The following BCAS2 variants were observed in gnomAD, a reference collection of about 807,000 sequenced individuals.
BCAS2 encodes the protein pre-mRNA-splicing factor SPF27.
In BCAS2, 34 loss-of-function variants were observed where a neutral mutation model predicts 35.3. The observed-to-expected ratio is 0.96, with a 90% CI of 0.73 to 1.28. The LOEUF is 1.28. Ranked by LOEUF, BCAS2 falls within the 50% of genes most tolerant of loss-of-function variation. The pLI is 0.00. For synonymous variants in BCAS2, 75 were observed against 91.6 expected, an observed-to-expected ratio of 0.82 and a Z score of 1.03; for missense variants, 221 against 268.1, an observed-to-expected ratio of 0.82 and a Z score of 1.23.
intron 2 of BCAS2, among the ~76,000 whole-genome samples, chr1:114,579,571 T>G (rs1449579970): frequency 1.3e-5 from 2 of 152,110 alleles, no homozygotes; most frequent in African/African-American, 4.8e-5. Context: ...GTCTTCTACT[T>G]AAAACTCAGC....
chr1:114,581,289 A>G lies in BCAS2; in HGVS notation c.186+10T>C. On this transcript the variant is annotated intron_variant, in intron 2 of 6. Transcript: ENST00000369541. ...ATTCTCGTTCACACCTAGGCTCAAGACATACTTACTTCAAAGGCAGAATAA... is the reference window on the plus strand; with the variant it reads ...ATTCTCGTTCACACCTAGGCTCAAGGCATACTTACTTCAAAGGCAGAATAA... The G allele has an allele frequency of 6.2e-7, 1 of 1,613,690 alleles. No homozygotes were observed. Among genetic ancestry groups the G allele is most frequent in the Non-Finnish European group, 8.5e-7 (1 of 1,179,590 alleles).
intron 2 of BCAS2, among the ~76,000 whole-genome samples, chr1:114,578,760 T>C (rs902194437): frequency 9.2e-4 from 140 of 152,188 alleles, no homozygotes; most frequent in African/African-American, 3.3e-3. Context: ...TGTTCTCCAA[T>C]ACCCAGAATG....
chr1:114,570,145 CAA>C (rs1654609799), intron 5 of BCAS2, 73 bp from the exon 6 acceptor site: 2 of 1,017,746 alleles, frequency 2.0e-6, no homozygotes, highest in African/African-American at 1.6e-5. Flanking sequence ...CTCTATAACA[CAA>C]GAGAATATCT....
intron 4 of BCAS2, among the ~76,000 whole-genome samples, chr1:114,571,713 T>C (rs1570736388): frequency 9.9e-5 from 15 of 152,176 alleles, no homozygotes. Context: ...TATATCTGAG[T>C]ACCCACTTAT....
In BCAS2 at chr1:114,568,261, A is replaced by T. The variant is rs1167965133; in HGVS notation, c.552-5T>A. The stretch of plus-strand genomic sequence containing the variant: ...TTACTGACCAGGGATACCCAACTAG[A>T]ATGGGGGGGAAGAAAAGAAAAAAAT... On this transcript the variant is annotated splice_region_variant and splice_polypyrimidine_tract_variant and intron_variant, in intron 6 of 6. Transcript: ENST00000369541. The T allele has an allele frequency of 6.8e-6, 11 of 1,608,714 alleles. No homozygotes were observed. Among genetic ancestry groups the T allele is most frequent in the Non-Finnish European group, 8.5e-6 (10 of 1,178,578 alleles).
chr1:114,567,930 TA>T lies in BCAS2; in HGVS notation c.*199del. ...GCCTAAAGATTTTCTTTTATGGCTA[TA>T]AAAATACCACCAAGCTAGACATTTT... On this transcript the variant is annotated 3_prime_UTR_variant, in exon 7 of 7. Transcript: ENST00000369541. 1 of 617,840 alleles carries T rather than the reference TA, an allele frequency of 1.6e-6. No individual in the cohort carries two copies. The highest frequency in any genetic ancestry group is 2.6e-6 in the Non-Finnish European group (1 of 385,998). 38.3% of individuals were successfully genotyped at this position (617,840 alleles called of 1,614,324 possible). A position where few individuals can be genotyped will look rare whatever the true frequency, so the allele number is the denominator to read the frequency against.
At chr1:114,573,453 A>T (rs958566095) in intron 4 of BCAS2, among the ~76,000 whole-genome samples, 6 of 151,994 alleles carry the variant, frequency 3.9e-5, no homozygotes, top group Non-Finnish European at 1.5e-5. Context: ...GGCTGGTCTC[A>T]AACTCTTGGC....
chr1:114,578,648 A>G (rs868628706), intron 2 of BCAS2, among the ~76,000 whole-genome samples: 2 of 152,284 alleles, frequency 1.3e-5, no homozygotes, highest in South Asian at 2.1e-4. Flanking sequence ...CTTTATCACT[A>G]TCATTCTCTG....
chr1:114,572,346 C>T (rs1333952376), intron 4 of BCAS2, among the ~76,000 whole-genome samples: 1 of 152,194 alleles, frequency 6.6e-6, no homozygotes, highest in African/African-American at 2.4e-5. Flanking sequence ...TGCTCTATTC[C>T]AGACTTCTGA....
chr1:114,570,322 T>A (rs1312779442), intron 5 of BCAS2, among the ~76,000 whole-genome samples: 1 of 152,046 alleles, frequency 6.6e-6, no homozygotes. Context: ...AAGTCCCCCC[T>A]CTCATGCATG....
intron 2 of BCAS2, among the ~76,000 whole-genome samples, chr1:114,579,718 T>C (rs1654842955): frequency 1.3e-5 from 2 of 151,794 alleles, no homozygotes; most frequent in Admixed American, 6.6e-5. Flanking sequence ...ATACAAAAAT[T>C]ACCCAGGCAT....
At position 114,568,753 on chromosome 1, in the gene BCAS2, TTC is replaced by T. The variant is rs1313459111; in HGVS notation, c.552-499_552-498del. Among the ~76,000 whole-genome samples the T allele has an allele frequency of 7.1e-4, 95 of 134,462 alleles. 1 individual carries two copies. Among genetic ancestry groups the T allele is most frequent in the Admixed American group, 7.5e-4 (10 of 13,338 alleles). 88.2% of individuals were successfully genotyped at this position (134,462 alleles called of 152,430 possible). ...AAAGGGTACATGGAATCTCTCTGTA[TTC>T]TTTTTTTTTTTTTTTTTTTTTTTTC... On this transcript the variant is annotated intron_variant, in intron 6 of 6. Transcript: ENST00000369541.
rs1654890308 is a variant in BCAS2, at chr1:114,581,505, C to A, written c.87G>T (p.Arg29=). The part of the protein sequence containing the change: ...FDQGYEAPGV[R]EAAAALVEEE... Reference sequence around the variant, plus strand: ...AAAGACACCCCGCACTCACCGCTTCCCGCACACCAGGGGCTTCATAACCTT... The same window carrying A: ...AAAGACACCCCGCACTCACCGCTTCACGCACACCAGGGGCTTCATAACCTT... The change falls in exon 1 of 7, where the codon CGG becomes CGT. Residue 29 remains arginine (R), a synonymous_variant. Coordinates refer to ENST00000369541, the MANE Select transcript of BCAS2 (RefSeq NM_005872.3). 6.2e-7 allele frequency: 1 copy of A among 1,614,208 alleles called. No homozygotes were observed. Among genetic ancestry groups the A allele is most frequent in the African/African-American group, 1.3e-5 (1 of 75,050 alleles).
At position 114,581,279 on chromosome 1, in the gene BCAS2, T is replaced by C. The variant is rs750979693; in HGVS notation, c.186+20A>G. ...GTTCACAGGAATTCTCGTTCACACC[T>C]AGGCTCAAGACATACTTACTTCAAA... is the stretch of plus-strand genomic sequence containing the variant. On this transcript the variant is annotated intron_variant, in intron 2 of 6. Transcript: ENST00000369541. 2 of 1,612,412 alleles carry C rather than the reference T, an allele frequency of 1.2e-6. No individual in the cohort carries two copies. Among genetic ancestry groups the C allele is most frequent in the East Asian group, 2.2e-5 (1 of 44,872 alleles).
At chr1:114,577,369 A>ATT (rs1313206833) in intron 2 of BCAS2, among the ~76,000 whole-genome samples, 2 of 141,908 alleles carry the variant, frequency 1.4e-5, no homozygotes, top group African/African-American at 2.6e-5. Flanking sequence ...TAATTTATTT[A>ATT]TTTATTTATT....
intron 4 of BCAS2, among the ~76,000 whole-genome samples, chr1:114,573,721 A>C (rs1387814088): frequency 6.6e-6 from 1 of 152,080 alleles, no homozygotes; most frequent in African/African-American, 2.4e-5. Context: ...TACATTTCTT[A>C]ATCACCCTAA....
intron 2 of BCAS2, among the ~76,000 whole-genome samples, chr1:114,577,249 A>C (rs1011665020): frequency 1.3e-5 from 2 of 152,180 alleles, no homozygotes; most frequent in Non-Finnish European, 2.9e-5. Flanking sequence ...CTTGCCATGT[A>C]ATGCCCTGTG....
chr1:114,576,631 C>T, intron 3 of BCAS2, 57 bp downstream of exon 3: 1 of 1,381,060 alleles, frequency 7.2e-7, no homozygotes, highest in South Asian at 1.2e-5. Context: ...TCACAAATCT[C>T]AGCTCATTAC....
intron 2 of BCAS2, among the ~76,000 whole-genome samples, chr1:114,578,833 G>C (rs1351357117): frequency 5.3e-5 from 8 of 152,342 alleles, no homozygotes; most frequent in African/African-American, 1.7e-4. Flanking sequence ...GAGGCAGTTT[G>C]AAGAACAGTT....
Sources: allele counts gnomAD v4.1 joint callset (sites outside exome capture counted in the v4.1 genomes callset), GRCh38; gene constraint gnomAD v4.1.1; transcripts MANE v1.5; gene names NCBI Gene and HGNC (gene_info 2026-07-23, HGNC 2026-07-21).